The following LRP1 variants were observed in gnomAD, a reference collection of about 807,000 sequenced individuals.
LRP1 encodes prolow-density lipoprotein receptor-related protein 1.
Under a neutral mutation model 541.5 loss-of-function variants are expected in LRP1, and 51 were observed. The ratio of observed to expected loss-of-function variants is 0.09; its 90% CI spans 0.08 to 0.12. The LOEUF (loss-of-function observed/expected upper bound fraction) is 0.12. Among genes scored for constraint, LRP1 ranks in the 10% least tolerant of loss-of-function variants. The pLI is 1.00. For synonymous variants in LRP1, 2,219 were observed against 2,470.8 expected, an observed-to-expected ratio of 0.90 and a Z score of 3.02; for missense variants, 3,878 against 6,376.2, an observed-to-expected ratio of 0.61 and a Z score of 13.34.
intron 76 of LRP1, among the ~76,000 whole-genome samples, chr12:57,207,120 G>A (rs2036796941): frequency 6.6e-6 from 1 of 151,960 alleles, no homozygotes; most frequent in East Asian, 1.9e-4. Flanking sequence ...GCGGGCGCCT[G>A]TAGTCCCAGC....
chr12:57,188,618 T>G (rs2136715618), intron 42 of LRP1, among the ~76,000 whole-genome samples: 1 of 152,212 alleles, frequency 6.6e-6, no homozygotes, highest in East Asian at 1.9e-4. Context: ...CCAGCAAGGC[T>G]GCCTGGCCCT....
chr12:57,187,406 T>C lies in LRP1; in HGVS notation c.6981T>C (p.Thr2327=), dbSNP rs2036291747. The part of the protein sequence containing the change: ...PGAFERETVI[T]MSGDDHPRAF... Reference sequence around the variant, plus strand: ...CCTTCGAGCGTGAGACCGTCATCACTATGTCTGGAGATGACCACCCACGGG... The same window carrying C: ...CCTTCGAGCGTGAGACCGTCATCACCATGTCTGGAGATGACCACCCACGGG... The change falls in exon 42 of 89, where the codon ACT becomes ACC. Residue 2327 remains threonine, a synonymous_variant. Coordinates refer to ENST00000243077, the MANE Select transcript of LRP1 (RefSeq NM_002332.3). The C allele has an allele frequency of 6.2e-7, 1 of 1,614,016 alleles. No individual in the cohort carries two copies. The highest frequency in any genetic ancestry group is 1.1e-5 in the South Asian group (1 of 91,092).
chr12:57,196,862 C>T (rs889418044), intron 55 of LRP1, 120 bp from the exon 56 acceptor site: 6 of 825,998 alleles, frequency 7.3e-6, no homozygotes, highest in African/African-American at 6.8e-5. Context: ...GGCTCAGTAC[C>T]CATATGCTGC....
Position 57,167,435 on chromosome 12 carries a change from TC to T in LRP1, c.2915-7del, listed in dbSNP as rs2035861577. On this transcript the variant is annotated splice_region_variant and splice_polypyrimidine_tract_variant and intron_variant, in intron 18 of 88. Coordinates refer to ENST00000243077, the MANE Select transcript of LRP1 (RefSeq NM_002332.3). ...AAGGCCCTACTCAGCTACTCTTTCT[TC>T]CTCACAGCCTATCCCACCTGCTTCC... 4 of 1,610,008 alleles carry T rather than the reference TC, an allele frequency of 2.5e-6. No homozygotes were observed. The highest frequency in any genetic ancestry group is 3.4e-6 in the Non-Finnish European group (4 of 1,176,436).
At chr12:57,174,507 G>T (rs2036006087) in intron 22 of LRP1, among the ~76,000 whole-genome samples, 1 of 152,172 alleles carries the variant, frequency 6.6e-6, no homozygotes. Flanking sequence ...AGGCGCGGTG[G>T]CTCACACCTG....
Position 57,202,471 on chromosome 12 carries a change from G to T in LRP1, c.10645G>T (p.Val3549Leu). The change falls in exon 68 of 89, where the codon GTG becomes TTG. Residue 3549 changes from valine to leucine, a missense_variant. Transcript: ENST00000243077. ...YQFRCKNNRC[V>L]PGRWQCDYDN... is the part of the protein sequence containing the mutation. The stretch of plus-strand genomic sequence containing the variant: ...GTTCCGCTGCAAGAACAACCGCTGC[G>T]TGCCCGGCCGCTGGCAGTGCGACTA... The T allele has an allele frequency of 1.9e-6, 3 of 1,613,630 alleles. No homozygotes were observed. Among genetic ancestry groups the T allele is most frequent in the Non-Finnish European group, 2.5e-6 (3 of 1,180,000 alleles).
rs2034973435 is a variant in LRP1, at chr12:57,128,896, T to G, written c.-69T>G. ...AGGAGGAAAAGGGGGACCCCCCAAC[T>G]GGGGGGGGTGAAGGAGAGAAGTAGC... On this transcript the variant is annotated 5_prime_UTR_variant, in exon 1 of 89. Transcript: ENST00000243077. 2 of 1,350,220 alleles carry G rather than the reference T, an allele frequency of 1.5e-6. No homozygotes were observed. The highest frequency in any genetic ancestry group is 1.9e-4 in the Middle Eastern group (1 of 5,148). The allele number at this position is 1,350,220 out of a possible 1,614,324, so 83.6% of individuals were successfully genotyped here.
chr12:57,136,411 A>G (rs1242093539), intron 1 of LRP1, among the ~76,000 whole-genome samples: 1 of 28,508 alleles, frequency 3.5e-5, no homozygotes, highest in African/African-American at 1.3e-4. Context: ...CCCCCCCGCC[A>G]TTTTCCTTAT....
intron 6 of LRP1, among the ~76,000 whole-genome samples, chr12:57,147,234 G>C (rs1177328352): frequency 6.6e-6 from 1 of 151,976 alleles, no homozygotes; most frequent in Non-Finnish European, 1.5e-5. Context: ...CCCTCCCCCT[G>C]CTCCACGTCC....
At chr12:57,129,287 C>A (rs571652675) in intron 1 of LRP1, among the ~76,000 whole-genome samples, 1 of 152,246 alleles carries the variant, frequency 6.6e-6, no homozygotes, top group East Asian at 1.9e-4. Context: ...GAGGGCTCCC[C>A]ATTTTTCTGA....
In LRP1 at chr12:57,177,596, G is replaced by A. The variant is rs1339866216; in HGVS notation, c.4361+5G>A. 1.9e-6 allele frequency: 3 copies of A among 1,613,406 alleles called. No individual in the cohort carries two copies. Among genetic ancestry groups the A allele is most frequent in the South Asian group, 2.2e-5 (2 of 91,044 alleles). On this transcript the variant is annotated splice_donor_5th_base_variant and intron_variant, in intron 26 of 88. Transcript: ENST00000243077. The surrounding 1 kb of genome is among the most constrained non-coding windows in gnomAD (Gnocchi z 6.8). ...CATCCTTTGGATTGACGCCAGGTCA[G>A]CACCCTCTGTGCCCTGAGAAGGCCC...
Position 57,161,008 on chromosome 12 carries a change from C to A in LRP1, c.2095C>A (p.Leu699Ile). 1 of 1,613,916 alleles carries A rather than the reference C, an allele frequency of 6.2e-7. No individual in the cohort carries two copies. Among genetic ancestry groups the A allele is most frequent in the South Asian group, 1.1e-5 (1 of 91,068 alleles). Residue 699 changes from leucine to isoleucine, a missense_variant, in exon 13 of 89, where the codon CTT becomes ATT. This residue lies in a region of LRP1 where 496 missense variants were observed against 861.0 expected (regional missense o/e 0.58). Coordinates refer to ENST00000243077, the MANE Select transcript of LRP1 (RefSeq NM_002332.3). ...CATCTTTGTCACCTCCAAGACAGTG[C>A]TTTGGCCCAATGGGCTAAGCCTGGA... ...RDIFVTSKTV[L>I]WPNGLSLDIP...
Position 57,173,883 on chromosome 12 carries a change from C to T in LRP1, c.3450C>T (p.His1150=). ...CESLACRPPS[H]PCANNTSVCL... is the part of the protein sequence containing the mutation. ...CCCTGGCCTGCAGGCCACCCTCGCA[C>T]CCTTGTGCCAACAACACCTCAGTCT... Residue 1150 remains histidine (H), a synonymous_variant, in exon 22 of 89, where the codon CAC becomes CAT. Coordinates refer to ENST00000243077, the MANE Select transcript of LRP1 (RefSeq NM_002332.3). The surrounding 1 kb of genome is among the most constrained non-coding windows in gnomAD (Gnocchi z 4.7). The T allele has an allele frequency of 1.2e-6, 2 of 1,614,220 alleles. No individual in the cohort carries two copies. Among genetic ancestry groups the T allele is most frequent in the South Asian group, 2.2e-5 (2 of 91,082 alleles).
chr12:57,157,595 A>G (rs994085680), intron 10 of LRP1, among the ~76,000 whole-genome samples: 2 of 152,270 alleles, frequency 1.3e-5, no homozygotes, highest in African/African-American at 2.4e-5. Flanking sequence ...TGGATGACAG[A>G]GCGAGACTTC....
rs749949901 is a variant in LRP1 at position 57,204,049 on chromosome 12, G to A, written c.10952-361G>A. On this transcript the variant is annotated intron_variant, in intron 70 of 88. Coordinates refer to ENST00000243077, the MANE Select transcript of LRP1 (RefSeq NM_002332.3). The surrounding 1 kb of genome is among the most constrained non-coding windows in gnomAD (Gnocchi z 5.3). The stretch of plus-strand genomic sequence containing the variant: ...GCCTTGGTAGGCCAGGCACAGGGAT[G>A]GGAACCCGGTCTTCCATTCCCAGCC... 2.3e-5 allele frequency: 5 copies of A among 215,086 alleles called. No individual in the cohort carries two copies. Among genetic ancestry groups the A allele is most frequent in the Non-Finnish European group, 3.7e-5 (4 of 109,288 alleles). 13.3% of individuals were successfully genotyped at this position (215,086 alleles called of 1,614,324 possible).
intron 43 of LRP1, 125 bp downstream of exon 43, chr12:57,191,134 A>G (rs2036369931): frequency 8.6e-7 from 1 of 1,164,132 alleles, no homozygotes; most frequent in Admixed American, 2.1e-5. Flanking sequence ...GAGTGCCTCC[A>G]GGCCCCAGCC....
Position 57,179,240 on chromosome 12 carries a change from C to A in LRP1, c.4739-89C>A. 8.1e-7 allele frequency: 1 copy of A among 1,235,324 alleles called. No individual in the cohort carries two copies. Among genetic ancestry groups the A allele is most frequent in the South Asian group, 1.4e-5 (1 of 72,882 alleles). 76.5% of individuals were successfully genotyped at this position (1,235,324 alleles called of 1,614,324 possible). On this transcript the variant is annotated intron_variant, in intron 28 of 88. Coordinates refer to ENST00000243077, the MANE Select transcript of LRP1 (RefSeq NM_002332.3). The surrounding 1 kb of genome is among the most constrained non-coding windows in gnomAD (Gnocchi z 6.8). ...GAGCCAAGGGCCAGTAGCAAACAGA[C>A]GGATCCAGAAGAAGGCAGGGCCTGA...
intron 6 of LRP1, among the ~76,000 whole-genome samples, chr12:57,152,462 G>T (rs1287024307): frequency 1.3e-5 from 2 of 152,164 alleles, no homozygotes; most frequent in Admixed American, 1.3e-4. Context: ...GATGCAGGCA[G>T]GTCCCTGCTT....
chr12:57,212,533 A>AGATAGGG lies in LRP1; in HGVS notation c.13616_13622dup (p.Pro4542ArgfsTer28). The AGATAGGG allele has an allele frequency of 6.2e-7, 1 of 1,612,090 alleles. No individual in the cohort carries two copies. The highest frequency in any genetic ancestry group is 8.5e-7 in the Non-Finnish European group (1 of 1,178,954). On this transcript the variant is annotated frameshift_variant, in exon 89 of 89. Transcript: ENST00000243077. LOFTEE classifies it high-confidence loss of function. The surrounding 1 kb of genome is among the most constrained non-coding windows in gnomAD (Gnocchi z 5.0). ...CTCCTGGGCCGGGGCCCTGAGGACG[A>AGATAGGG]GATAGGGGACCCCTTGGCATAGGGC...
Sources: allele counts gnomAD v4.1 joint callset (sites outside exome capture counted in the v4.1 genomes callset), GRCh38; gene constraint gnomAD v4.1.1; regional missense constraint gnomAD v4.1.1; non-coding constraint Gnocchi (gnomAD v3.1); transcripts MANE v1.5; gene names NCBI Gene and HGNC (gene_info 2026-07-23, HGNC 2026-07-21).